MAGI2: variants seen among roughly 807,000 people sequenced by gnomAD.
MAGI2 encodes the protein membrane-associated guanylate kinase, WW and PDZ domain-containing protein 2.
Under a neutral mutation model 133.3 loss-of-function variants are expected in MAGI2, and 35 were observed. The ratio of observed to expected loss-of-function variants is 0.26; its 90% CI spans 0.20 to 0.35. MAGI2 has a LOEUF of 0.35. Ranked by LOEUF, MAGI2 falls within the 10% of genes least tolerant of loss-of-function variation. MAGI2 has a pLI of 1.00. For synonymous variants in MAGI2, 729 were observed against 710.6 expected (o/e 1.03, Z -0.41); for missense variants, 1,636 against 1,863.4 (o/e 0.88, Z 2.25).
intron 1 of MAGI2, among the ~76,000 whole-genome samples, chr7:79,022,622 G>C (rs376506735): frequency 1.3e-4 from 15 of 117,076 alleles, no homozygotes; most frequent in African/African-American, 4.7e-4. Context: ...AGCTAGACTA[G>C]TAAGTTTAAA....
At chr7:78,662,363 T>G (rs1394161270) in intron 2 of MAGI2, among the ~76,000 whole-genome samples, 1 of 152,196 alleles carries the variant, frequency 6.6e-6, no homozygotes, top group Non-Finnish European at 1.5e-5. Context: ...AGTATTTTCT[T>G]ACTTCTATGT....
chr7:78,647,637 A>G (rs918737378), intron 2 of MAGI2, among the ~76,000 whole-genome samples: 1 of 152,208 alleles, frequency 6.6e-6, no homozygotes, highest in East Asian at 1.9e-4. Flanking sequence ...CAGCAATCCC[A>G]TTACTGGGTA....
intron 2 of MAGI2, among the ~76,000 whole-genome samples, chr7:78,883,312 ATGTAACCAAGGAGG>A (rs1796022150): frequency 6.6e-6 from 1 of 152,036 alleles, no homozygotes; most frequent in African/African-American, 2.4e-5. Flanking sequence ...CAAGGAATAC[ATGTAACCAAGGAGG>A]TGAAAGATTT....
chr7:78,685,390 C>T (rs1816166947), intron 2 of MAGI2, among the ~76,000 whole-genome samples: 1 of 151,708 alleles, frequency 6.6e-6, no homozygotes, highest in African/African-American at 2.4e-5. Context: ...GTTAGGTTCA[C>T]CTTTTCTGAC....
rs145665122 is a variant in MAGI2 at position 78,685,261 on chromosome 7, T to A, written c.419-58022A>T. ...TTTAAGGCTGTCACCCCAAGAGCTG[T>A]CCTTTTTGTTAATGAGAATAATTGA... On this transcript the variant is annotated intron_variant, in intron 2 of 21. Coordinates refer to ENST00000354212, the MANE Select transcript of MAGI2 (RefSeq NM_012301.4). Among the ~76,000 whole-genome samples, 905 of 152,326 alleles carry A rather than the reference T, an allele frequency of 5.9e-3. 5 individuals carry two copies. Among genetic ancestry groups the A allele is most frequent in the Non-Finnish European group, 7.7e-3 (525 of 68,028 alleles).
intron 2 of MAGI2, among the ~76,000 whole-genome samples, chr7:78,709,769 A>T (rs970408901): frequency 1.3e-5 from 2 of 152,112 alleles, no homozygotes; most frequent in Non-Finnish European, 2.9e-5. Flanking sequence ...TATATCTCTT[A>T]GTATCTTCTA....
chr7:79,003,510 T>A (rs11975533), intron 2 of MAGI2, among the ~76,000 whole-genome samples: 1 of 152,318 alleles, frequency 6.6e-6, no homozygotes, highest in East Asian at 1.9e-4. Context: ...AATGATATAG[T>A]CTTCAGTAGT....
intron 3 of MAGI2, among the ~76,000 whole-genome samples, chr7:78,563,582 C>T (rs549901338): frequency 5.3e-5 from 8 of 152,198 alleles, no homozygotes. Context: ...TGCCATATGA[C>T]CCCAGTCATC....
chr7:78,129,575 T>A (rs1021467697), intron 18 of MAGI2, among the ~76,000 whole-genome samples: 1 of 152,088 alleles, frequency 6.6e-6, no homozygotes, highest in Non-Finnish European at 1.5e-5. Flanking sequence ...TTCTAGCAGG[T>A]TTTTTGTGGT....
intron 2 of MAGI2, chr7:78,903,930 T>G (rs1797811700): frequency 6.6e-6 from 1 of 152,222 alleles, no homozygotes; most frequent in African/African-American, 2.4e-5. Flanking sequence ...TTTTTAAATT[T>G]CAAAACCCTT....
chr7:78,832,308 T>C (rs1294165595), intron 2 of MAGI2, among the ~76,000 whole-genome samples: 3 of 152,172 alleles, frequency 2.0e-5, no homozygotes, highest in South Asian at 2.1e-4. Context: ...TGTATTCAAC[T>C]AATATTCATT....
At chr7:79,385,967 T>TA in intron 1 of MAGI2, among the ~76,000 whole-genome samples, 1 of 152,120 alleles carries the variant, frequency 6.6e-6, no homozygotes, top group South Asian at 2.1e-4. Flanking sequence ...CAATAAAATT[T>TA]ATTTTTTTAA....
chr7:79,397,959 C>G (rs1252974884), intron 1 of MAGI2, among the ~76,000 whole-genome samples: 1 of 152,048 alleles, frequency 6.6e-6, no homozygotes, highest in Non-Finnish European at 1.5e-5. Context: ...TAATATATTT[C>G]CTTGTTTTTA....
intron 2 of MAGI2, among the ~76,000 whole-genome samples, chr7:78,782,454 G>A (rs1022268797): frequency 2.0e-5 from 3 of 152,130 alleles, no homozygotes; most frequent in African/African-American, 7.2e-5. Context: ...CATTTTGAGT[G>A]TGGAATCCTT....
At chr7:78,267,740 C>T (rs1190175405) in intron 9 of MAGI2, among the ~76,000 whole-genome samples, 5 of 152,178 alleles carry the variant, frequency 3.3e-5, no homozygotes, top group South Asian at 2.1e-4. Context: ...CATATACCCA[C>T]CACTACCCTC....
rs528915037 is a variant in MAGI2 at position 79,372,503 on chromosome 7, C to T, written c.301+80517G>A. ...TTTTAGAATGTAAGCTTCATGATAA[C>T]AGGGATTTTTATCTATTAGTTGATT... On this transcript the variant is annotated intron_variant, in intron 1 of 21. Coordinates refer to ENST00000354212, the MANE Select transcript of MAGI2 (RefSeq NM_012301.4). 2.0e-5 allele frequency among the ~76,000 whole-genome samples: 3 copies of T among 152,142 alleles called. No homozygotes were observed. The East Asian group carries it at 5.8e-4, about 29-fold the overall frequency.
intron 1 of MAGI2, among the ~76,000 whole-genome samples, chr7:79,056,571 T>C (rs962764785): frequency 1.3e-5 from 2 of 152,326 alleles, no homozygotes; most frequent in Admixed American, 6.5e-5. Context: ...ATCACAGAGA[T>C]AAAAAGTTCC....
intron 10 of MAGI2, among the ~76,000 whole-genome samples, chr7:78,207,873 T>C (rs1563262025): frequency 6.6e-6 from 1 of 152,058 alleles, no homozygotes; most frequent in Non-Finnish European, 1.5e-5. Context: ...ATTTTTGTTG[T>C]TGTTGTTGTT....
chr7:78,305,810 A>G (rs1457639162), intron 9 of MAGI2, among the ~76,000 whole-genome samples: 1 of 152,212 alleles, frequency 6.6e-6, no homozygotes, highest in African/African-American at 2.4e-5. Context: ...TTCAAAACTA[A>G]GACAATTATG....
Sources: allele counts gnomAD v4.1 joint callset (sites outside exome capture counted in the v4.1 genomes callset), GRCh38; gene constraint gnomAD v4.1.1; transcripts MANE v1.5; gene names NCBI Gene and HGNC (gene_info 2026-07-23, HGNC 2026-07-21).